GYPE: variants seen among roughly 807,000 people sequenced by gnomAD.
GYPE encodes glycophorin-E.
A neutral mutation model predicts 11.6 loss-of-function variants in GYPE; 8 were observed. The ratio of observed to expected loss-of-function variants is 0.69; its 90% confidence interval spans 0.41 to 1.25. The LOEUF (loss-of-function observed/expected upper bound fraction) is 1.25. Ranked by LOEUF, GYPE falls within the 50% of genes most tolerant of loss-of-function variation. The probability of loss-of-function intolerance (pLI) is 0.01; values close to 1 mark genes in which losing one functional copy is unlikely to be tolerated. For synonymous variants in GYPE, 28 were observed against 29.6 expected, an observed-to-expected ratio of 0.94 and a Z score of 0.18; for missense variants, 90 against 92.8, an observed-to-expected ratio of 0.97 and a Z score of 0.12.
chr4:143,901,827 T>A lies in GYPE; in HGVS notation c.37+3644A>T, dbSNP rs1418666730. 7.9e-5 allele frequency among the ~76,000 whole-genome samples: 12 copies of A among 151,808 alleles called. No homozygotes were observed. The East Asian group carries it at 2.1e-3, about 27-fold the overall frequency. Reference sequence around the variant, plus strand: ...GAATGTGAAGCTAAATTTCCTAATTTAAAATCACTACGAAGTAAGTTTGAG... The same window carrying A: ...GAATGTGAAGCTAAATTTCCTAATTAAAAATCACTACGAAGTAAGTTTGAG... On this transcript the variant is annotated intron_variant, in intron 1 of 3. Coordinates refer to ENST00000358615, the MANE Select transcript of GYPE (RefSeq NM_198682.3).
intron 3 of GYPE, among the ~76,000 whole-genome samples, chr4:143,872,849 T>C (rs1743664359): frequency 6.9e-6 from 1 of 145,176 alleles, no homozygotes; most frequent in African/African-American, 2.6e-5. Context: ...GTTCAGTGGT[T>C]GCAACCAAAT....
chr4:143,873,369 AT>A (rs966189283), intron 3 of GYPE: 1 of 441,438 alleles, frequency 2.3e-6, no homozygotes, highest in African/African-American at 2.0e-5. Context: ...GGTTGGCAAT[AT>A]TTGCAATCAC....
chr4:143,889,014 G>A (rs1169008971), intron 1 of GYPE, among the ~76,000 whole-genome samples: 7 of 129,296 alleles, frequency 5.4e-5, no homozygotes, highest in African/African-American at 2.0e-4. Context: ...CCTATTAACT[G>A]GTGCAGTTAG....
chr4:143,871,838 G>A lies in GYPE; in HGVS notation c.*424C>T, dbSNP rs1455693079. The A allele has an allele frequency of 6.6e-6, 1 of 152,296 alleles. No homozygotes were observed. The highest frequency in any genetic ancestry group is 1.9e-4 in the East Asian group (1 of 5,170). The allele number at this position is 152,296 out of a possible 1,614,324, so 9.4% of individuals were successfully genotyped here. On this transcript the variant is annotated 3_prime_UTR_variant, in exon 4 of 4. Coordinates refer to ENST00000358615, the MANE Select transcript of GYPE (RefSeq NM_198682.3). ...GGTTGGACAACCGAGTTCTGAGAAA[G>A]GCAGTGATTGAGCAGCTGAATTCCA...
chr4:143,874,379 C>T (rs1743719792), intron 3 of GYPE, among the ~76,000 whole-genome samples: 1 of 152,112 alleles, frequency 6.6e-6, no homozygotes, highest in East Asian at 1.9e-4. Context: ...CATTCCTTGT[C>T]ATCAGACCTA....
chr4:143,873,434 A>G (rs1381568767), intron 3 of GYPE: 2 of 455,630 alleles, frequency 4.4e-6, no homozygotes, highest in Admixed American at 2.4e-5. Context: ...AATTTCCTTT[A>G]TTTGCTTTTG....
At chr4:143,881,113 C>G (rs148279308) in intron 1 of GYPE, among the ~76,000 whole-genome samples, 2,131 of 151,498 alleles carry the variant, frequency 0.014, 56 homozygotes, top group African/African-American at 0.049. Context: ...TGCATGAACC[C>G]AGGAGGCAGA....
chr4:143,891,466 C>T (rs1330759271), intron 1 of GYPE, among the ~76,000 whole-genome samples: 3 of 151,106 alleles, frequency 2.0e-5, no homozygotes, highest in Non-Finnish European at 4.4e-5. Context: ...GTAGCTGGGA[C>T]TACAGGTGCC....
intron 1 of GYPE, among the ~76,000 whole-genome samples, chr4:143,895,451 G>T (rs1371020478): frequency 2.0e-5 from 3 of 150,676 alleles, no homozygotes; most frequent in Non-Finnish European, 3.0e-5. Flanking sequence ...ACTTACAAGG[G>T]ATGTTAAGGA....
chr4:143,901,337 A>G (rs1198502793), intron 1 of GYPE, among the ~76,000 whole-genome samples: 6 of 152,122 alleles, frequency 3.9e-5, no homozygotes, highest in Non-Finnish European at 8.8e-5. Context: ...TGTTTGTTCG[A>G]TTTACTTTTT....
chr4:143,893,597 T>C (rs1744498331), intron 1 of GYPE, among the ~76,000 whole-genome samples: 1 of 152,194 alleles, frequency 6.6e-6, no homozygotes, highest in Non-Finnish European at 1.5e-5. Flanking sequence ...TATGAAATTC[T>C]GGATTGAAAA....
intron 1 of GYPE, among the ~76,000 whole-genome samples, chr4:143,901,721 T>C (rs1488110768): frequency 3.3e-5 from 5 of 152,088 alleles, no homozygotes; most frequent in East Asian, 1.9e-4. Flanking sequence ...GGGAAATTCC[T>C]CAAAAGTATA....
intron 1 of GYPE, among the ~76,000 whole-genome samples, chr4:143,885,413 C>CTTCTTTCTTCTTCAACAGT (rs1261189819): frequency 6.6e-6 from 1 of 152,104 alleles, no homozygotes; most frequent in Non-Finnish European, 1.5e-5. Flanking sequence ...AATAGGTAGA[C>CTTCTTTCTTCTTCAACAGT]TTCTTTCTTC....
At chr4:143,894,846 C>T (rs1744563531) in intron 1 of GYPE, among the ~76,000 whole-genome samples, 1 of 151,836 alleles carries the variant, frequency 6.6e-6, no homozygotes, top group Admixed American at 6.6e-5. Context: ...AAGGCTGGTT[C>T]AATATACGCA....
intron 1 of GYPE, among the ~76,000 whole-genome samples, chr4:143,890,121 C>G (rs1380845778): frequency 6.6e-6 from 1 of 152,168 alleles, no homozygotes; most frequent in Non-Finnish European, 1.5e-5. Flanking sequence ...GATAATTCAC[C>G]TTGTTTATAG....
chr4:143,898,238 G>A lies in GYPE; in HGVS notation c.37+7233C>T, dbSNP rs1899959. Among the ~76,000 whole-genome samples, 428 of 152,220 alleles carry A rather than the reference G, an allele frequency of 2.8e-3. 2 individuals carry two copies. The highest frequency in any genetic ancestry group is 9.8e-3 in the African/African-American group (406 of 41,544). ...CTAAAATACAAAAAATTAACTGGGC[G>A]TGGTGGTGTGCGCCTGTATTCTCAG... is the stretch of plus-strand genomic sequence containing the variant. On this transcript the variant is annotated intron_variant, in intron 1 of 3. Coordinates refer to ENST00000358615, the MANE Select transcript of GYPE (RefSeq NM_198682.3).
chr4:143,881,892 C>T (rs1478757738), intron 1 of GYPE, among the ~76,000 whole-genome samples: 3 of 152,150 alleles, frequency 2.0e-5, no homozygotes, highest in Admixed American at 2.0e-4. Flanking sequence ...AACTTGGCCC[C>T]TCAGCTGAAT....
At chr4:143,880,274 A>C (rs1743972477) in intron 2 of GYPE, 137 bp downstream of exon 2, 4 of 1,398,026 alleles carry the variant, frequency 2.9e-6, no homozygotes, top group Non-Finnish European at 4.0e-6. Context: ...AATTGTGTCT[A>C]CTTAGTAGGC....
rs1294412525 is a variant in GYPE at position 143,871,599 on chromosome 4, T to C, written c.*663A>G. On this transcript the variant is annotated 3_prime_UTR_variant, in exon 4 of 4. Coordinates refer to ENST00000358615, the MANE Select transcript of GYPE (RefSeq NM_198682.3). ...CTGGTGGTGAATATATGGTAATGGG[T>C]AAATCCCACTTCACCTAATGAAGAA... 6.6e-6 allele frequency: 1 copy of C among 152,096 alleles called. No individual in the cohort carries two copies. Among genetic ancestry groups the C allele is most frequent in the East Asian group, 1.9e-4 (1 of 5,160 alleles). 9.4% of individuals were successfully genotyped at this position (152,096 alleles called of 1,614,324 possible).
Sources: gnomAD v4.1 joint callset for allele counts (sites outside exome capture counted in the v4.1 genomes callset) on GRCh38, gnomAD v4.1.1 for gene constraint, MANE v1.5 for transcripts, NCBI Gene and HGNC (gene_info 2026-07-23, HGNC 2026-07-21) for gene names.